The following CTNNA3 variants were observed in gnomAD, a reference collection of about 807,000 sequenced individuals.
CTNNA3 encodes catenin alpha 3, also known as catenin alpha-3.
Under a neutral mutation model 95.7 loss-of-function variants are expected in CTNNA3, and 76 were observed. That is an observed-to-expected ratio of 0.79 (90% CI 0.66 to 0.96). The LOEUF is 0.96. Among genes scored for constraint, CTNNA3 ranks in the 40% least tolerant of loss-of-function variants. The pLI is 0.00. For synonymous variants in CTNNA3, 431 were observed against 374.4 expected, an observed-to-expected ratio of 1.15 and a Z score of -1.74; for missense variants, 1,191 against 1,089.8, an observed-to-expected ratio of 1.09 and a Z score of -1.31.
chr10:66,761,660 A>C (rs1451936027), intron 9 of CTNNA3, among the ~76,000 whole-genome samples: 1 of 152,136 alleles, frequency 6.6e-6, no homozygotes, highest in African/African-American at 2.4e-5. Context: ...TTTAATAATA[A>C]ATAATGCATT....
At chr10:66,455,039 G>A (rs1364550171) in intron 11 of CTNNA3, among the ~76,000 whole-genome samples, 1 of 151,630 alleles carries the variant, frequency 6.6e-6, no homozygotes, top group African/African-American at 2.4e-5. Context: ...TTTTTTTCAG[G>A]AAAAATATGT....
chr10:66,690,336 T>C (rs1847473112), intron 9 of CTNNA3, among the ~76,000 whole-genome samples: 1 of 152,100 alleles, frequency 6.6e-6, no homozygotes, highest in South Asian at 2.1e-4. Flanking sequence ...TTTTTTATTA[T>C]TATTATACTT....
intron 13 of CTNNA3, among the ~76,000 whole-genome samples, chr10:66,111,659 T>C (rs1157181945): frequency 6.6e-6 from 1 of 152,184 alleles, no homozygotes; most frequent in Non-Finnish European, 1.5e-5. Context: ...TAGAGTTATA[T>C]GATTTGAGAC....
intron 5 of CTNNA3, among the ~76,000 whole-genome samples, chr10:67,291,174 T>C (rs925131263): frequency 3.9e-5 from 6 of 152,144 alleles, no homozygotes; most frequent in Non-Finnish European, 7.4e-5. Context: ...TAAATAGCTG[T>C]AAGGAGAAAA....
At chr10:66,418,562 C>CACACACACAG (rs1459693942) in intron 11 of CTNNA3, among the ~76,000 whole-genome samples, 4 of 150,208 alleles carry the variant, frequency 2.7e-5, no homozygotes, top group African/African-American at 7.3e-5. Flanking sequence ...CAGGGACACA[C>CACACACACAG]ACACACACAC....
chr10:67,642,593 C>A (rs1839574794), intron 2 of CTNNA3, among the ~76,000 whole-genome samples: 1 of 151,978 alleles, frequency 6.6e-6, no homozygotes, highest in South Asian at 2.1e-4. Flanking sequence ...TGGCATGTGC[C>A]TGTAAATCCA....
intron 15 of CTNNA3, among the ~76,000 whole-genome samples, chr10:65,992,017 A>T (rs1426830403): frequency 6.6e-6 from 1 of 151,900 alleles, no homozygotes; most frequent in Non-Finnish European, 1.5e-5. Context: ...CACATTTTTT[A>T]ATCTTTCATT....
chr10:66,384,770 A>G (rs2092875116), intron 11 of CTNNA3, among the ~76,000 whole-genome samples: 1 of 152,182 alleles, frequency 6.6e-6, no homozygotes, highest in South Asian at 2.1e-4. Flanking sequence ...TCAAATTAGA[A>G]CTCAGGATTA....
At chr10:67,087,861 C>T (rs1240944846) in intron 7 of CTNNA3, among the ~76,000 whole-genome samples, 2 of 152,040 alleles carry the variant, frequency 1.3e-5, no homozygotes, top group Admixed American at 6.6e-5. Context: ...AGTATTCATT[C>T]ATTCAATAAA....
intron 10 of CTNNA3, among the ~76,000 whole-genome samples, chr10:66,582,325 G>A (rs1049978673): frequency 5.3e-5 from 8 of 151,620 alleles, no homozygotes; most frequent in Admixed American, 2.6e-4. Flanking sequence ...TCTTTCAGCC[G>A]TGTTTTATTT....
chr10:67,538,425 T>C (rs1247179808), intron 4 of CTNNA3, among the ~76,000 whole-genome samples: 1 of 150,858 alleles, frequency 6.6e-6, no homozygotes, highest in African/African-American at 2.4e-5. Context: ...AAATAAATAA[T>C]ACAAAAAATT....
intron 11 of CTNNA3, among the ~76,000 whole-genome samples, chr10:66,392,154 G>A (rs2092938347): frequency 6.6e-6 from 1 of 151,998 alleles, no homozygotes; most frequent in African/African-American, 2.4e-5. Context: ...AAAGATGCTG[G>A]GCATGATGGC....
chr10:66,043,226 G>T (rs1191697325), intron 15 of CTNNA3, among the ~76,000 whole-genome samples: 1 of 150,178 alleles, frequency 6.7e-6, no homozygotes, highest in African/African-American at 2.4e-5. Flanking sequence ...CTAAGAAAAG[G>T]ACATGTGGGG....
At chr10:66,978,334 T>C (rs1850182386) in intron 7 of CTNNA3, among the ~76,000 whole-genome samples, 1 of 151,500 alleles carries the variant, frequency 6.6e-6, no homozygotes, top group Admixed American at 6.6e-5. Context: ...GAGACCAGCC[T>C]GGCCAACATG....
At chr10:66,899,362 A>G (rs1459720945) in intron 7 of CTNNA3, among the ~76,000 whole-genome samples, 1 of 152,204 alleles carries the variant, frequency 6.6e-6, no homozygotes. Context: ...TTCTGGGAAT[A>G]TATTCAAAAG....
intron 1 of CTNNA3, among the ~76,000 whole-genome samples, chr10:67,711,991 C>T (rs1841113088): frequency 6.6e-6 from 1 of 151,966 alleles, no homozygotes; most frequent in Non-Finnish European, 1.5e-5. Context: ...CCTCAGGGAT[C>T]TAGAACTGGA....
At chr10:67,532,700 C>T (rs962747231) in intron 4 of CTNNA3, among the ~76,000 whole-genome samples, 1 of 151,924 alleles carries the variant, frequency 6.6e-6, no homozygotes, top group Non-Finnish European at 1.5e-5. Context: ...AGCAAGATAC[C>T]AAGGAGAAGA....
At chr10:66,678,618 A>C (rs1846950899) in intron 9 of CTNNA3, among the ~76,000 whole-genome samples, 1 of 152,190 alleles carries the variant, frequency 6.6e-6, no homozygotes, top group African/African-American at 2.4e-5. Context: ...TCTTAGAAGA[A>C]CACTTTTGGG....
chr10:67,044,441 G>T (rs182987624), intron 7 of CTNNA3, among the ~76,000 whole-genome samples: 2 of 151,906 alleles, frequency 1.3e-5, no homozygotes, highest in African/African-American at 4.9e-5. Context: ...TTAAGAAGAG[G>T]ACAAAGGGAG....
Sources: allele counts gnomAD v4.1 joint callset (sites outside exome capture counted in the v4.1 genomes callset), GRCh38; gene constraint gnomAD v4.1.1; transcripts MANE v1.5; gene names NCBI Gene and HGNC (gene_info 2026-07-23, HGNC 2026-07-21).